The following CDH18 variants were observed in gnomAD, a reference collection of about 807,000 sequenced individuals.
The protein encoded by CDH18 is cadherin-18.
CDH18 carries 31 observed loss-of-function variants against 67.9 expected under a neutral mutation model. The ratio of observed to expected loss-of-function variants is 0.46; its 90% CI spans 0.34 to 0.62. The LOEUF is 0.62. CDH18 is among the 20% of genes least tolerant of loss of function. CDH18 has a pLI of 0.01. For synonymous variants in CDH18, 362 were observed against 347.2 expected (o/e 1.04, Z -0.48); for missense variants, 890 against 975.5 (o/e 0.91, Z 1.17).
rs994085192 is a variant in CDH18, at chr5:20,554,911, T to C, written c.-580+20551A>G. Among the ~76,000 whole-genome samples, 4 of 152,166 alleles carry C rather than the reference T, an allele frequency of 2.6e-5. 1 individual carries two copies. The highest frequency in any genetic ancestry group is 2.6e-4 in the Admixed American group (4 of 15,250). ...AGAGAAGCTTGAGATTAAATGAAGATAGAGATATGTGAGGATATCTCTCAG... is the reference window on the plus strand; with the variant it reads ...AGAGAAGCTTGAGATTAAATGAAGACAGAGATATGTGAGGATATCTCTCAG... On this transcript the variant is annotated intron_variant, in intron 1 of 14. Transcript: ENST00000507958.
intron 2 of CDH18, among the ~76,000 whole-genome samples, chr5:20,054,822 T>C (rs758773135): frequency 6.6e-6 from 1 of 152,220 alleles, no homozygotes; most frequent in Non-Finnish European, 1.5e-5. Context: ...AATCATTCTA[T>C]GGACTGACTG....
rs146778855 is a variant in CDH18 at position 20,412,078 on chromosome 5, C to T, written c.-579-156573G>A. Among the ~76,000 whole-genome samples, 111 of 152,148 alleles carry T rather than the reference C, an allele frequency of 7.3e-4. No individual in the cohort carries two copies. In the East Asian group the frequency reaches 0.016, roughly 21 times the overall value. On this transcript the variant is annotated intron_variant, in intron 1 of 14. Coordinates refer to the CDH18 transcript ENST00000507958. ...CAAAAAACAGCCTCAATAGACAAAG[C>T]GGTCCTAAGCAAAAATAGCAAAGCT...
intron 8 of CDH18, 70 bp downstream of exon 8, chr5:19,571,509 T>C (rs1173692529): frequency 1.4e-5 from 19 of 1,347,434 alleles, no homozygotes; most frequent in Non-Finnish European, 1.5e-5. Context: ...AGTGTAATTT[T>C]ATTCAAGTTT....
intron 5 of CDH18, among the ~76,000 whole-genome samples, chr5:19,709,903 G>A (rs1764498835): frequency 6.6e-6 from 1 of 151,950 alleles, no homozygotes; most frequent in African/African-American, 2.4e-5. Context: ...GGGAGGCCGA[G>A]GTGGGTGGAT....
chr5:19,681,698 G>A (rs1282811338), intron 5 of CDH18, among the ~76,000 whole-genome samples: 1 of 151,948 alleles, frequency 6.6e-6, no homozygotes, highest in Admixed American at 6.6e-5. Flanking sequence ...TTACCTGAGA[G>A]AGAGAGATAA....
intron 2 of CDH18, among the ~76,000 whole-genome samples, chr5:20,015,114 G>C (rs1737769404): frequency 6.6e-6 from 1 of 152,112 alleles, no homozygotes; most frequent in Non-Finnish European, 1.5e-5. Flanking sequence ...AGGGTTTCTA[G>C]TAATCTATCT....
intron 1 of CDH18, among the ~76,000 whole-genome samples, chr5:20,411,765 T>G (rs929362835): frequency 6.7e-6 from 1 of 149,490 alleles, no homozygotes; most frequent in Admixed American, 6.8e-5. Context: ...GAATAGTAAA[T>G]GCAATCTCAT....
chr5:20,406,006 A>G (rs1746215308), intron 1 of CDH18, among the ~76,000 whole-genome samples: 1 of 152,184 alleles, frequency 6.6e-6, no homozygotes, highest in South Asian at 2.1e-4. Flanking sequence ...GAGTTCAACC[A>G]TTGTGGAAGT....
intron 3 of CDH18, among the ~76,000 whole-genome samples, chr5:19,759,822 G>A (rs1025680935): frequency 6.6e-5 from 10 of 152,074 alleles, no homozygotes; most frequent in Admixed American, 1.3e-4. Context: ...TAGGGGTACC[G>A]TTCTTCAAGG....
rs1186725188 is a variant in CDH18, at chr5:19,994,849, T to TAGAGAGAGAG, written c.-517-2836_-517-2835insCTCTCTCTCT. 1.6e-3 allele frequency among the ~76,000 whole-genome samples: 52 copies of TAGAGAGAGAG among 32,328 alleles called. 8 individuals carry two copies. Among genetic ancestry groups the TAGAGAGAGAG allele is most frequent in the African/African-American group, 5.3e-3 (37 of 7,014 alleles). The allele number at this position is 32,328 out of a possible 152,430, so 21.2% of individuals were successfully genotyped here. On this transcript the variant is annotated intron_variant, in intron 2 of 14. Coordinates refer to the CDH18 transcript ENST00000507958. The stretch of plus-strand genomic sequence containing the variant: ...AAGAGAATATATATATATATATATA[T>TAGAGAGAGAG]ATATATAGAGAGAGAGAGAGAGAGA...
intron 1 of CDH18, among the ~76,000 whole-genome samples, chr5:20,432,947 T>C (rs1243876065): frequency 6.7e-6 from 1 of 148,786 alleles, no homozygotes; most frequent in Non-Finnish European, 1.5e-5. Flanking sequence ...ATTTTATACA[T>C]ATATAATGTA....
intron 2 of CDH18, among the ~76,000 whole-genome samples, chr5:20,095,431 G>GAAAGAAAGAAAGAAAGA (rs1745861600): frequency 8.3e-6 from 1 of 119,876 alleles, no homozygotes; most frequent in Non-Finnish European, 1.7e-5. Context: ...AAGAAAGAAA[G>GAAAGAAAGAAAGAAAGA]AAAGAAAGAA....
intron 2 of CDH18, among the ~76,000 whole-genome samples, chr5:20,100,538 CG>C: frequency 6.6e-6 from 1 of 152,268 alleles, no homozygotes; most frequent in African/African-American, 2.4e-5. Context: ...GGAAGTTTAT[CG>C]GTTGTCAACA....
At chr5:19,493,883 C>G (rs1741871610) in intron 11 of CDH18, among the ~76,000 whole-genome samples, 1 of 151,952 alleles carries the variant, frequency 6.6e-6, no homozygotes, top group Admixed American at 6.6e-5. Flanking sequence ...TAACTTTTTG[C>G]CAAATGAATT....
chr5:20,087,560 C>A (rs1409870758), intron 2 of CDH18, among the ~76,000 whole-genome samples: 1 of 151,832 alleles, frequency 6.6e-6, no homozygotes, highest in Non-Finnish European at 1.5e-5. Context: ...TCAGCAAACA[C>A]CATCCTTATC....
intron 9 of CDH18, among the ~76,000 whole-genome samples, chr5:19,539,899 C>T (rs781342619): frequency 2.6e-5 from 4 of 152,028 alleles, no homozygotes; most frequent in Non-Finnish European, 5.9e-5. Flanking sequence ...CATATTATTC[C>T]ACTCCTGGCC....
At chr5:19,705,410 C>T (rs1763825666) in intron 5 of CDH18, among the ~76,000 whole-genome samples, 1 of 152,142 alleles carries the variant, frequency 6.6e-6, no homozygotes, top group African/African-American at 2.4e-5. Flanking sequence ...ACGACCTGCC[C>T]TAGGCATTCC....
intron 1 of CDH18, among the ~76,000 whole-genome samples, chr5:20,313,290 T>C (rs1054978008): frequency 6.6e-6 from 1 of 152,114 alleles, no homozygotes; most frequent in African/African-American, 2.4e-5. Flanking sequence ...TGGTTCTCAT[T>C]CTGTCATTTC....
At chr5:19,497,671 G>A (rs906885159) in intron 11 of CDH18, among the ~76,000 whole-genome samples, 3 of 152,182 alleles carry the variant, frequency 2.0e-5, no homozygotes, top group African/African-American at 7.2e-5. Flanking sequence ...TTTCATCAGA[G>A]TATAGATGGG....
Sources: gnomAD v4.1 joint callset for allele counts (sites outside exome capture counted in the v4.1 genomes callset) on GRCh38, gnomAD v4.1.1 for gene constraint, MANE v1.5 for transcripts, NCBI Gene and HGNC (gene_info 2026-07-23, HGNC 2026-07-21) for gene names.